CD226: variants seen among roughly 807,000 people sequenced by gnomAD.
CD226 encodes the protein CD226 antigen.
In CD226, 24 loss-of-function variants were observed where a neutral mutation model predicts 34.9. The observed-to-expected ratio is 0.69, with a 90% CI of 0.50 to 0.97. The LOEUF is 0.97. Among genes scored for constraint, CD226 ranks in the 50% least tolerant of loss-of-function variants. CD226 has a pLI of 0.00. For synonymous variants in CD226, 148 were observed against 147.4 expected (o/e 1.00, Z -0.03); for missense variants, 397 against 412.7 (o/e 0.96, Z 0.33).
At chr18:69,880,785 G>A (rs536343312) in intron 3 of CD226, among the ~76,000 whole-genome samples, 1 of 151,826 alleles carries the variant, frequency 6.6e-6, no homozygotes, top group Admixed American at 6.6e-5. Flanking sequence ...CTGAGTAGCT[G>A]GGACTACAGG....
At chr18:69,903,923 A>T (rs2145268155) in intron 2 of CD226, among the ~76,000 whole-genome samples, 1 of 152,310 alleles carries the variant, frequency 6.6e-6, no homozygotes, top group Middle Eastern at 3.4e-3. Context: ...CATCAGGACG[A>T]CATCTTGGGT....
chr18:69,957,836 C>A (rs1466114829), upstream of CD226, among the ~76,000 whole-genome samples: 2 of 152,212 alleles, frequency 1.3e-5, no homozygotes, highest in Non-Finnish European at 2.9e-5. Context: ...TCGTCACTCC[C>A]TTCAATGCCT....
chr18:69,952,588 A>G (rs1197545285), upstream of CD226, among the ~76,000 whole-genome samples: 1 of 152,224 alleles, frequency 6.6e-6, no homozygotes. Flanking sequence ...CCTCCGTGAA[A>G]CACAAAAATT....
At position 69,860,697 on chromosome 18, in the gene CD226, C is replaced by G. The variant is rs1982768160; in HGVS notation, c.*3617G>C. ...ATGAACAGATCAGTGAAAAAATATA[C>G]TTATACAGAAGTCTGAAGGTGGAGA... is the stretch of plus-strand genomic sequence containing the variant. On this transcript the variant is annotated 3_prime_UTR_variant, in exon 6 of 6. Coordinates refer to ENST00000582621, the MANE Select transcript of CD226 (RefSeq NM_001303618.2). The G allele has an allele frequency of 6.6e-6, 1 of 152,062 alleles. No homozygotes were observed. Among genetic ancestry groups the G allele is most frequent in the Non-Finnish European group, 1.5e-5 (1 of 67,974 alleles). The allele number at this position is 152,062 out of a possible 1,614,324, so 9.4% of individuals were successfully genotyped here.
chr18:69,874,398 C>G (rs947123630), intron 3 of CD226, among the ~76,000 whole-genome samples: 1 of 152,178 alleles, frequency 6.6e-6, no homozygotes, highest in African/African-American at 2.4e-5. Flanking sequence ...GGGAAGAATC[C>G]CATCAACATC....
chr18:69,871,071 A>G (rs1462952612), intron 4 of CD226, among the ~76,000 whole-genome samples: 1 of 152,236 alleles, frequency 6.6e-6, no homozygotes, highest in African/African-American at 2.4e-5. Context: ...AGTAATGCAT[A>G]ATGCATTTTC....
chr18:69,889,995 T>C (rs912599713), intron 3 of CD226, among the ~76,000 whole-genome samples: 1 of 152,240 alleles, frequency 6.6e-6, no homozygotes, highest in Non-Finnish European at 1.5e-5. Context: ...AAGTTATATA[T>C]GTAAACAAGA....
intron 3 of CD226, among the ~76,000 whole-genome samples, chr18:69,880,336 G>GA (rs1346085770): frequency 5.4e-5 from 5 of 93,012 alleles, no homozygotes; most frequent in Non-Finnish European, 1.2e-4. Context: ...AAGAGAGAAA[G>GA]AAAGAAAGAA....
At chr18:69,900,689 G>A (rs1159598730) in intron 2 of CD226, among the ~76,000 whole-genome samples, 7 of 142,278 alleles carry the variant, frequency 4.9e-5, no homozygotes, top group Admixed American at 1.5e-4. Flanking sequence ...CCGAGATTGC[G>A]CCACTGCAGT....
At chr18:69,879,475 C>G (rs527632205) in intron 3 of CD226, among the ~76,000 whole-genome samples, 72 of 152,140 alleles carry the variant, frequency 4.7e-4, no homozygotes, top group African/African-American at 1.7e-3. Flanking sequence ...TACCCATTTT[C>G]GATAATAAGA....
chr18:69,949,249 A>G (rs532762194), upstream of CD226, among the ~76,000 whole-genome samples: 6 of 152,310 alleles, frequency 3.9e-5, no homozygotes, highest in African/African-American at 1.4e-4. Flanking sequence ...ACGTTAACAC[A>G]TTCCTGAGAG....
At chr18:69,929,133 G>A (rs1162563654) in intron 2 of CD226, among the ~76,000 whole-genome samples, 10 of 152,202 alleles carry the variant, frequency 6.6e-5, no homozygotes, top group Admixed American at 6.5e-4. Flanking sequence ...TTACAAAAAG[G>A]TTGCTGCTAC....
intron 2 of CD226, among the ~76,000 whole-genome samples, chr18:69,946,391 G>A (rs1308476853): frequency 1.3e-5 from 2 of 152,114 alleles, no homozygotes; most frequent in African/African-American, 4.8e-5. Context: ...ATGGTGCTAT[G>A]TCACTGTGAT....
chr18:69,941,171 T>C (rs1599028034), intron 2 of CD226, among the ~76,000 whole-genome samples: 1 of 152,228 alleles, frequency 6.6e-6, no homozygotes, highest in Non-Finnish European at 1.5e-5. Context: ...CATTCAGAAG[T>C]TGCTGCAAGG....
At chr18:69,948,907 AC>A (rs2055822947), upstream of CD226, among the ~76,000 whole-genome samples, 1 of 152,202 alleles carries the variant, frequency 6.6e-6, no homozygotes, top group Admixed American at 6.5e-5. Context: ...TTGTAGCAAA[AC>A]ATGATCATCT....
Position 69,860,984 on chromosome 18 carries a change from C to A in CD226, c.*3330G>T, listed in dbSNP as rs1241382572. ...TTTTGGTCACAGTGATCTCTAATTA[C>A]AATGTGGACTCTCTCAATTTAGAAA... On this transcript the variant is annotated 3_prime_UTR_variant, in exon 6 of 6. Coordinates refer to ENST00000582621, the MANE Select transcript of CD226 (RefSeq NM_001303618.2). The A allele has an allele frequency of 5.9e-5, 9 of 152,026 alleles. No homozygotes were observed. Among genetic ancestry groups the A allele is most frequent in the Non-Finnish European group, 1.2e-4 (8 of 67,932 alleles). 9.4% of individuals were successfully genotyped at this position (152,026 alleles called of 1,614,324 possible).
At chr18:69,903,439 A>G (rs931845271) in intron 2 of CD226, among the ~76,000 whole-genome samples, 5 of 152,172 alleles carry the variant, frequency 3.3e-5, no homozygotes, top group Non-Finnish European at 5.9e-5. Context: ...AAAAGCTGCA[A>G]TGTTCCCAGA....
intron 3 of CD226, among the ~76,000 whole-genome samples, chr18:69,888,066 A>C (rs1417975489): frequency 1.3e-5 from 2 of 152,236 alleles, no homozygotes; most frequent in African/African-American, 4.8e-5. Flanking sequence ...GATCCATGTC[A>C]ATAATGTTTG....
chr18:69,931,757 A>C (rs1309981914), intron 2 of CD226, among the ~76,000 whole-genome samples: 2 of 152,226 alleles, frequency 1.3e-5, no homozygotes, highest in Non-Finnish European at 2.9e-5. Context: ...ATTCATCTTG[A>C]ATATGCCCCA....
Sources: allele counts gnomAD v4.1 joint callset (sites outside exome capture counted in the v4.1 genomes callset), GRCh38; gene constraint gnomAD v4.1.1; transcripts MANE v1.5; gene names NCBI Gene and HGNC (gene_info 2026-07-23, HGNC 2026-07-21).